KCNT2: variants seen among roughly 807,000 people sequenced by gnomAD.
The protein encoded by KCNT2 is potassium channel subfamily T member 2.
KCNT2 carries 67 observed loss-of-function variants against 153.8 expected under a neutral mutation model. That is an observed-to-expected ratio of 0.44 (90% CI 0.36 to 0.53). The LOEUF is 0.53. Ranked by LOEUF, KCNT2 falls within the 20% of genes least tolerant of loss-of-function variation. The probability of loss-of-function intolerance (pLI) is 0.00; values close to 1 mark genes in which losing one functional copy is unlikely to be tolerated. For synonymous variants in KCNT2, 500 were observed against 458.8 expected, an observed-to-expected ratio of 1.09 and a Z score of -1.15; for missense variants, 975 against 1,354.8, an observed-to-expected ratio of 0.72 and a Z score of 4.40.
chr1:196,561,267 G>A (rs1258236519), intron 1 of KCNT2, among the ~76,000 whole-genome samples: 2 of 151,106 alleles, frequency 1.3e-5, no homozygotes, highest in Non-Finnish European at 1.5e-5. Context: ...GAGAAAAAAT[G>A]GTCAAAGTTT....
chr1:196,560,134 A>G (rs1375984785), intron 1 of KCNT2, among the ~76,000 whole-genome samples: 2 of 151,946 alleles, frequency 1.3e-5, no homozygotes, highest in Non-Finnish European at 2.9e-5. Context: ...GAACTGCACT[A>G]AACTTGGCAT....
At chr1:196,518,478 T>TA (rs35962682) in intron 1 of KCNT2, among the ~76,000 whole-genome samples, 18 of 126,346 alleles carry the variant, frequency 1.4e-4, no homozygotes, top group African/African-American at 4.9e-4. Context: ...AAGCTGGATT[T>TA]AAAAAAAAAA....
At position 196,506,457 on chromosome 1, in the gene KCNT2, C is replaced by A. The variant is rs533433843; in HGVS notation, c.96-14116G>T. Among the ~76,000 whole-genome samples the A allele has an allele frequency of 1.0e-3, 152 of 152,182 alleles. 1 individual carries two copies. Among genetic ancestry groups the A allele is most frequent in the Middle Eastern group, 3.4e-3 (1 of 294 alleles). On this transcript the variant is annotated intron_variant, in intron 1 of 27. Transcript: ENST00000294725. ...ACTTGGGAAAAATAAGCATATAATA[C>A]AATAAAGAACTTCCTTATTTACTTC...
chr1:196,560,407 T>C (rs1659222212), intron 1 of KCNT2, among the ~76,000 whole-genome samples: 1 of 151,942 alleles, frequency 6.6e-6, no homozygotes, highest in Admixed American at 6.6e-5. Context: ...TGGAGACTTC[T>C]CTCTCCTCCT....
At chr1:196,453,204 C>T (rs774494755) in intron 8 of KCNT2, among the ~76,000 whole-genome samples, 5 of 151,678 alleles carry the variant, frequency 3.3e-5, no homozygotes, top group African/African-American at 9.7e-5. Context: ...GCAGAAGGCA[C>T]GCCAGAGACT....
intron 23 of KCNT2, among the ~76,000 whole-genome samples, chr1:196,283,961 T>C (rs1299532030): frequency 6.6e-6 from 1 of 151,684 alleles, no homozygotes; most frequent in African/African-American, 2.4e-5. Flanking sequence ...CTGAGCACAG[T>C]GGCTCACACC....
Position 196,413,351 on chromosome 1 carries a change from A to G in KCNT2, c.1185+9699T>C, listed in dbSNP as rs1337830409. Among the ~76,000 whole-genome samples, 5 of 151,712 alleles carry G rather than the reference A, an allele frequency of 3.3e-5. No individual in the cohort carries two copies. The Admixed American group carries it at 3.3e-4, about 10-fold the overall frequency. Reference sequence around the variant, plus strand: ...AATTGTGGTTAATGACATAAAATGCACAAAATGCTTGATCACATGAAAGTG... The same window carrying G: ...AATTGTGGTTAATGACATAAAATGCGCAAAATGCTTGATCACATGAAAGTG... On this transcript the variant is annotated intron_variant, in intron 12 of 27. Coordinates refer to ENST00000294725, the MANE Select transcript of KCNT2 (RefSeq NM_198503.5).
chr1:196,352,552 T>G (rs1256420297), intron 14 of KCNT2, among the ~76,000 whole-genome samples: 1 of 152,166 alleles, frequency 6.6e-6, no homozygotes, highest in Non-Finnish European at 1.5e-5. Flanking sequence ...AGTGGTGATA[T>G]TCCCTTTATC....
At chr1:196,321,742 T>G (rs1357371724) in intron 19 of KCNT2, among the ~76,000 whole-genome samples, 1 of 151,902 alleles carries the variant, frequency 6.6e-6, no homozygotes, top group African/African-American at 2.4e-5. Flanking sequence ...TTTGCAAAAT[T>G]TAATTTAGCA....
intron 14 of KCNT2, among the ~76,000 whole-genome samples, chr1:196,371,401 G>A (rs1668523653): frequency 6.6e-6 from 1 of 151,878 alleles, no homozygotes; most frequent in South Asian, 2.1e-4. Flanking sequence ...ATTTCTTTAT[G>A]TGGTTCTGGA....
chr1:196,342,448 G>GTATATA (rs72201546), intron 14 of KCNT2, among the ~76,000 whole-genome samples: 1 of 100,264 alleles, frequency 1.0e-5, no homozygotes, highest in African/African-American at 4.1e-5. Flanking sequence ...ATATATATAT[G>GTATATA]TATATATATA....
At chr1:196,271,946 G>A (rs1410213674) in intron 25 of KCNT2, among the ~76,000 whole-genome samples, 6 of 151,928 alleles carry the variant, frequency 3.9e-5, no homozygotes, top group African/African-American at 7.2e-5. Flanking sequence ...TAAGATCTAC[G>A]TTACTCTATG....
At chr1:196,446,547 C>T (rs1454741468) in intron 8 of KCNT2, among the ~76,000 whole-genome samples, 5 of 151,382 alleles carry the variant, frequency 3.3e-5, no homozygotes, top group Admixed American at 2.0e-4. Context: ...TAGGAGGTAG[C>T]CCTAGAAATA....
At chr1:196,382,763 A>T (rs1362869979) in intron 13 of KCNT2, among the ~76,000 whole-genome samples, 1 of 152,180 alleles carries the variant, frequency 6.6e-6, no homozygotes, top group Non-Finnish European at 1.5e-5. Context: ...AGAAAATGAG[A>T]TAAATTTGAA....
intron 17 of KCNT2, among the ~76,000 whole-genome samples, chr1:196,332,520 C>T (rs965176917): frequency 3.9e-5 from 6 of 152,090 alleles, no homozygotes; most frequent in Admixed American, 1.3e-4. Flanking sequence ...TATTTTCAAG[C>T]TTCAATGACA....
rs561944079 is a variant in KCNT2, at chr1:196,451,217, CTTTTTT to C, written c.638+14070_638+14075del. Among the ~76,000 whole-genome samples, 47 of 63,560 alleles carry C rather than the reference CTTTTTT, an allele frequency of 7.4e-4. 1 individual carries two copies. The highest frequency in any genetic ancestry group is 3.0e-3 in the Admixed American group (11 of 3,640). The allele number at this position is 63,560 out of a possible 152,430, so 41.7% of individuals were successfully genotyped here. On this transcript the variant is annotated intron_variant, in intron 8 of 27. Transcript: ENST00000294725. ...GCTATATCCCTCTTAATCCCTCTTTCTTTTTTTTTTTTTTTTTTTTTTTTTTCCTTT... is the reference window on the plus strand; with the variant it reads ...GCTATATCCCTCTTAATCCCTCTTTCTTTTTTTTTTTTTTTTTTTTCCTTT...
At chr1:196,265,611 T>A (rs1657465190) in intron 25 of KCNT2, among the ~76,000 whole-genome samples, 1 of 152,180 alleles carries the variant, frequency 6.6e-6, no homozygotes, top group Non-Finnish European at 1.5e-5. Flanking sequence ...AAATACCTGT[T>A]ACTTTGTGCA....
rs1671888269 is a variant in KCNT2, at chr1:196,407,072, C to G, written c.1186-8401G>C. ...CTTGGTCTGAGTTGGAGTAATTCATCCAGAACGGTACACTCCATAAATTGT... is the reference window on the plus strand; with the variant it reads ...CTTGGTCTGAGTTGGAGTAATTCATGCAGAACGGTACACTCCATAAATTGT... On this transcript the variant is annotated intron_variant, in intron 12 of 27. Transcript: ENST00000294725. Among the ~76,000 whole-genome samples, 3 of 151,502 alleles carry G rather than the reference C, an allele frequency of 2.0e-5. No individual in the cohort carries two copies. In the South Asian group the frequency reaches 6.2e-4, roughly 31 times the overall value.
chr1:196,402,994 G>T (rs1431467017), intron 12 of KCNT2, among the ~76,000 whole-genome samples: 1 of 151,544 alleles, frequency 6.6e-6, no homozygotes, highest in Non-Finnish European at 1.5e-5. Flanking sequence ...ATCAAATTTG[G>T]AATACATTTT....
Sources: allele counts gnomAD v4.1 joint callset (sites outside exome capture counted in the v4.1 genomes callset), GRCh38; gene constraint gnomAD v4.1.1; transcripts MANE v1.5; gene names NCBI Gene and HGNC (gene_info 2026-07-23, HGNC 2026-07-21).